The following PCDH7 variants were observed in gnomAD, a reference collection of about 807,000 sequenced individuals.
The protein encoded by PCDH7 is protocadherin-7.
Under a neutral mutation model 58.9 loss-of-function variants are expected in PCDH7, and 17 were observed. The ratio of observed to expected loss-of-function variants is 0.29; its 90% confidence interval spans 0.20 to 0.43. The LOEUF (loss-of-function observed/expected upper bound fraction) is 0.43. PCDH7 is among the 20% of genes least tolerant of loss of function. PCDH7 has a pLI of 1.00. For missense variants in PCDH7, 1,274 were observed against 1,441.0 expected, an observed-to-expected ratio of 0.88 and a Z score of 1.88; for synonymous variants, 664 against 616.4, an observed-to-expected ratio of 1.08 and a Z score of -1.14.
chr4:31,076,608 C>A (rs1185398744), intron 3 of PCDH7, among the ~76,000 whole-genome samples: 1 of 152,146 alleles, frequency 6.6e-6, no homozygotes, highest in Non-Finnish European at 1.5e-5. Context: ...AAGAAAGCTA[C>A]ATTTTATTCT....
chr4:30,767,198 C>CAATAGCAGGG (rs1305553928), intron 1 of PCDH7, among the ~76,000 whole-genome samples: 5 of 152,112 alleles, frequency 3.3e-5, no homozygotes, highest in Non-Finnish European at 7.3e-5. Flanking sequence ...TTTAATGATT[C>CAATAGCAGGG]AATAGCAGGG....
chr4:31,093,467 C>A (rs542328793), intron 3 of PCDH7, among the ~76,000 whole-genome samples: 1 of 152,086 alleles, frequency 6.6e-6, no homozygotes, highest in African/African-American at 2.4e-5. Context: ...TCTCTGAGTC[C>A]ATTTCTTGAG....
chr4:30,724,058 G>C (rs751233279), exon 1 of PCDH7: 8 of 1,614,062 alleles, frequency 5.0e-6, no homozygotes, highest in Non-Finnish European at 6.8e-6. Flanking sequence ...CAGAGACTCA[G>C]TATTGTCATT....
chr4:31,030,184 T>A (rs1174982835), intron 3 of PCDH7, among the ~76,000 whole-genome samples: 2 of 151,840 alleles, frequency 1.3e-5, no homozygotes, highest in Admixed American at 1.3e-4. Context: ...TGTATGGGAG[T>A]GGTGTTCAGC....
rs764892145 is a variant in PCDH7 at position 30,758,523 on chromosome 4, G to C, written c.70+33927G>C. Among the ~76,000 whole-genome samples, 69 of 152,178 alleles carry C rather than the reference G, an allele frequency of 4.5e-4. 1 individual carries two copies. The highest frequency in any genetic ancestry group is 1.8e-4 in the Non-Finnish European group (12 of 68,030). On this transcript the variant is annotated intron_variant, in intron 1 of 3. Coordinates refer to the PCDH7 transcript ENST00000509759. The stretch of plus-strand genomic sequence containing the variant: ...AATAGCTTTGAAAAGAGCATCGAAG[G>C]CTCTTGATATTGTGGTTCATTTTGC...
At chr4:30,761,581 TA>T (rs1200506848) in intron 1 of PCDH7, among the ~76,000 whole-genome samples, 1 of 152,156 alleles carries the variant, frequency 6.6e-6, no homozygotes, top group Non-Finnish European at 1.5e-5. Context: ...CAGCACCTCA[TA>T]TCAATTCTTA....
intron 3 of PCDH7, among the ~76,000 whole-genome samples, chr4:31,001,418 T>C (rs994253214): frequency 6.6e-6 from 1 of 152,124 alleles, no homozygotes; most frequent in South Asian, 2.1e-4. Context: ...GCACATAAAA[T>C]CAACTTAAAA....
At chr4:31,137,527 T>G (rs1339243380) in intron 3 of PCDH7, among the ~76,000 whole-genome samples, 1 of 152,232 alleles carries the variant, frequency 6.6e-6, no homozygotes, top group African/African-American at 2.4e-5. Context: ...GAGGTTGCAA[T>G]GAGCCGAGAT....
chr4:30,811,517 T>C (rs989566363), intron 1 of PCDH7, among the ~76,000 whole-genome samples: 1 of 152,178 alleles, frequency 6.6e-6, no homozygotes, highest in Non-Finnish European at 1.5e-5. Flanking sequence ...AAAAGTCATG[T>C]GGAATCTATT....
chr4:31,128,493 T>C (rs1238658059), intron 3 of PCDH7, among the ~76,000 whole-genome samples: 1 of 152,162 alleles, frequency 6.6e-6, no homozygotes, highest in East Asian at 1.9e-4. Context: ...ATCTGTGTTT[T>C]GAAAATTTTC....
intron 3 of PCDH7, among the ~76,000 whole-genome samples, chr4:31,043,915 T>A (rs1174444514): frequency 6.6e-6 from 1 of 152,102 alleles, no homozygotes; most frequent in African/African-American, 2.4e-5. Context: ...GGTAAAGGCA[T>A]AGGCTAAAGT....
intron 1 of PCDH7, among the ~76,000 whole-genome samples, chr4:30,832,482 A>G (rs1729928459): frequency 6.6e-6 from 1 of 152,192 alleles, no homozygotes; most frequent in Non-Finnish European, 1.5e-5. Context: ...ATTGATAAAT[A>G]TTCAGTGATC....
chr4:31,009,780 T>C (rs1753037823), intron 3 of PCDH7, among the ~76,000 whole-genome samples: 1 of 151,906 alleles, frequency 6.6e-6, no homozygotes, highest in Non-Finnish European at 1.5e-5. Flanking sequence ...CCACCTTTAG[T>C]TGGGCCCAAA....
chr4:31,018,486 A>T (rs1486445103), intron 3 of PCDH7, among the ~76,000 whole-genome samples: 1 of 152,190 alleles, frequency 6.6e-6, no homozygotes, highest in African/African-American at 2.4e-5. Context: ...TTCAGGACCT[A>T]TATATGATAT....
At chr4:31,018,878 AATGAAAT>A (rs1753811367) in intron 3 of PCDH7, among the ~76,000 whole-genome samples, 1 of 152,220 alleles carries the variant, frequency 6.6e-6, no homozygotes, top group African/African-American at 2.4e-5. Context: ...GATATAGGGA[AATGAAAT>A]ATCTCTAGCC....
chr4:30,946,917 A>G lies in PCDH7; in HGVS notation c.288-3203A>G, dbSNP rs144487977. Among the ~76,000 whole-genome samples the G allele has an allele frequency of 4.5e-4, 68 of 152,144 alleles. No individual in the cohort carries two copies. The East Asian group carries it at 0.011, about 24-fold the overall frequency. On this transcript the variant is annotated intron_variant, in intron 2 of 3. Coordinates refer to the PCDH7 transcript ENST00000509759. ...AGTAGGGATGGGGTTTTCCCATGTT[A>G]GCCAGACTGTTCTCAAACTCCTGAC...
At chr4:30,982,609 T>C (rs915089015) in intron 3 of PCDH7, among the ~76,000 whole-genome samples, 2 of 152,196 alleles carry the variant, frequency 1.3e-5, no homozygotes, top group Admixed American at 6.5e-5. Context: ...CTTTTCAAAA[T>C]AATTAACAAA....
In PCDH7 at chr4:30,760,572, T is replaced by G. The variant is rs149196992; in HGVS notation, c.70+35976T>G. Among the ~76,000 whole-genome samples the G allele has an allele frequency of 9.9e-5, 15 of 152,084 alleles. No homozygotes were observed. The East Asian group carries it at 2.9e-3, about 30-fold the overall frequency. ...AACAACAGACAAGCAGAAACCCAAA[T>G]CATGAGTGAACTCCCATTCACAATT... On this transcript the variant is annotated intron_variant, in intron 1 of 3. Coordinates refer to the PCDH7 transcript ENST00000509759.
At chr4:30,937,840 C>T (rs1489674972) in intron 2 of PCDH7, among the ~76,000 whole-genome samples, 9 of 151,532 alleles carry the variant, frequency 5.9e-5, no homozygotes, top group African/African-American at 2.2e-4. Flanking sequence ...TATTTAGGAA[C>T]ACACATGCAG....
Sources: allele counts gnomAD v4.1 joint callset (sites outside exome capture counted in the v4.1 genomes callset), GRCh38; gene constraint gnomAD v4.1.1; transcripts MANE v1.5; gene names NCBI Gene and HGNC (gene_info 2026-07-23, HGNC 2026-07-21).